CCT4: variants seen among roughly 807,000 people sequenced by gnomAD.
The protein encoded by CCT4 is T-complex protein 1 subunit delta.
In CCT4, 17 loss-of-function variants were observed where a neutral mutation model predicts 62.5. That is an observed-to-expected ratio of 0.27 (90% CI 0.19 to 0.41). CCT4 has a LOEUF of 0.41. CCT4 is among the 10% of genes least tolerant of loss of function. The probability of loss-of-function intolerance (pLI) is 1.00; values close to 1 mark genes in which losing one functional copy is unlikely to be tolerated. For missense variants in CCT4, 592 were observed against 659.2 expected (o/e 0.90, Z 1.12); for synonymous variants, 250 against 229.9 (o/e 1.09, Z -0.79).
chr2:61,886,874 C>G (rs1314704831), intron 1 of CCT4, among the ~76,000 whole-genome samples: 10 of 152,136 alleles, frequency 6.6e-5, no homozygotes, highest in Non-Finnish European at 1.2e-4. Context: ...ATTCCCCTGC[C>G]TCAGCCTCCC....
chr2:61,873,114 T>C lies in CCT4; in HGVS notation c.1015-2A>G. ...AGCAACTGGCTTGGTTCCAATTGTC[T>C]GGAAAAAACAGTCAAATCCACAAAT... On this transcript the variant is annotated splice_acceptor_variant, in intron 9 of 13. Transcript: ENST00000394440. LOFTEE classifies it high-confidence loss of function. 1 of 1,585,198 alleles carries C rather than the reference T, an allele frequency of 6.3e-7. No homozygotes were observed. Among genetic ancestry groups the C allele is most frequent in the Non-Finnish European group, 8.7e-7 (1 of 1,153,684 alleles).
chr2:61,869,637 A>T, intron 12 of CCT4, 84 bp from the exon 13 acceptor site: 1 of 744,470 alleles, frequency 1.3e-6, no homozygotes, highest in Admixed American at 2.0e-5. Flanking sequence ...GTACCTCAAG[A>T]CCTAAATCTA....
Position 61,878,857 on chromosome 2 carries a change from T to G in CCT4, c.522+12A>C, listed in dbSNP as rs1368514098. Reference sequence around the variant, plus strand: ...AACTAATTTGACAAGTATCCGTTAGTGTTTGTCTCACCTTTGAGTTCAGTG... The same window carrying G: ...AACTAATTTGACAAGTATCCGTTAGGGTTTGTCTCACCTTTGAGTTCAGTG... On this transcript the variant is annotated intron_variant, in intron 5 of 13. Coordinates refer to ENST00000394440, the MANE Select transcript of CCT4 (RefSeq NM_006430.4). 1 of 1,594,498 alleles carries G rather than the reference T, an allele frequency of 6.3e-7. No homozygotes were observed. The highest frequency in any genetic ancestry group is 8.6e-7 in the Non-Finnish European group (1 of 1,166,740).
rs746529211 is a variant in CCT4 at position 61,872,537 on chromosome 2, A to C, written c.1177T>G (p.Ser393Ala). The C allele has an allele frequency of 6.2e-7, 1 of 1,613,970 alleles. No individual in the cohort carries two copies. The change falls in exon 11 of 14, where the codon TCT becomes GCT. Residue 393 changes from serine to alanine, a missense_variant. Transcript: ENST00000394440. ...GKTVTIVVRG[S>A]NKLVIEEAER... ...GCTTCTTCAATCACCAGTTTGTTAG[A>C]ACCACGAACAACAATTGTAACTGTT...
chr2:61,872,497 T>C lies in CCT4; in HGVS notation c.1217A>G (p.His406Arg), dbSNP rs2105126532. ...LVIEEAERSI[H>R]DALCVIRCLV... The stretch of plus-strand genomic sequence containing the variant: ...ACAACGAATAACACATAGGGCATCA[T>C]GAATGGAGCGCTCAGCTTCTTCAAT... The change falls in exon 11 of 14, where the codon CAT becomes CGT. Residue 406 changes from histidine to arginine, a missense_variant. By Grantham distance (29) the His-to-Arg change is conservative. Around this residue, in one of 3 missense-constraint regions of CCT4, gnomAD observed 522 missense variants for 571.2 expected, o/e 0.91. Coordinates refer to ENST00000394440, the MANE Select transcript of CCT4 (RefSeq NM_006430.4). 1 of 1,614,080 alleles carries C rather than the reference T, an allele frequency of 6.2e-7. No homozygotes were observed. Among genetic ancestry groups the C allele is most frequent in the Non-Finnish European group, 8.5e-7 (1 of 1,179,900 alleles).
intron 12 of CCT4, among the ~76,000 whole-genome samples, chr2:61,870,045 A>C (rs965022605): frequency 6.6e-6 from 1 of 151,056 alleles, no homozygotes; most frequent in Non-Finnish European, 1.5e-5. Flanking sequence ...TGGGAGGCCA[A>C]GGCAGGCAGA....
In CCT4 at chr2:61,883,473, G is replaced by T; in HGVS notation, c.256C>A (p.Pro86Thr). The change falls in exon 3 of 14, where the codon CCA (proline) becomes ACA (threonine). Residue 86 changes from proline (P) to threonine (T), a missense_variant. This residue lies in a region of CCT4 where 522 missense variants were observed against 571.2 expected (regional missense o/e 0.91). Coordinates refer to ENST00000394440, the MANE Select transcript of CCT4 (RefSeq NM_006430.4). ...TILKQMQVLHPAARMLVELSK... is the reference protein window; with the variant it reads ...TILKQMQVLHTAARMLVELSK... ...ATTACACTTACCATTCTGGCTGCTG[G>T]ATGTAATACTTGCATTTGTTTCAGA... 6.5e-7 allele frequency: 1 copy of T among 1,548,794 alleles called. No individual in the cohort carries two copies. The highest frequency in any genetic ancestry group is 8.8e-7 in the Non-Finnish European group (1 of 1,130,452).
Position 61,872,468 on chromosome 2 carries a change from C to T in CCT4, c.1246G>A (p.Val416Met). ...HDALCVIRCL[V>M]KKRALIAGGG... is the part of the protein sequence containing the mutation. Reference sequence around the variant, plus strand: ...TAACACTGACATTACCTCTTCTTCACTAAACAACGAATAACACATAGGGCA... The same window carrying T: ...TAACACTGACATTACCTCTTCTTCATTAAACAACGAATAACACATAGGGCA... Residue 416 changes from valine to methionine, a missense_variant, in exon 11 of 14, where the codon GTG becomes ATG. Physicochemically the swap from Val to Met is conservative, Grantham distance 21. Around this residue, in one of 3 missense-constraint regions of CCT4, gnomAD observed 522 missense variants for 571.2 expected, o/e 0.91. Coordinates refer to ENST00000394440, the MANE Select transcript of CCT4 (RefSeq NM_006430.4). 1 of 1,612,544 alleles carries T rather than the reference C, an allele frequency of 6.2e-7. No homozygotes were observed. The highest frequency in any genetic ancestry group is 8.5e-7 in the Non-Finnish European group (1 of 1,179,172).
chr2:61,873,302 C>G lies in CCT4; in HGVS notation c.918-9G>C. ...GATCACTAAGAGCATCTCTAAAATA[C>G]AAAATCAGTGATTATGTCAATGCTA... is the stretch of plus-strand genomic sequence containing the variant. On this transcript the variant is annotated splice_polypyrimidine_tract_variant and intron_variant, in intron 8 of 13. Coordinates refer to ENST00000394440, the MANE Select transcript of CCT4 (RefSeq NM_006430.4). 6.9e-7 allele frequency: 1 copy of G among 1,455,838 alleles called. No individual in the cohort carries two copies. Among genetic ancestry groups the G allele is most frequent in the Non-Finnish European group, 9.6e-7 (1 of 1,041,106 alleles). The allele number at this position is 1,455,838 out of a possible 1,614,324, so 90.2% of individuals were successfully genotyped here.
intron 8 of CCT4, among the ~76,000 whole-genome samples, chr2:61,874,497 C>T (rs1395398800): frequency 5.3e-5 from 8 of 151,768 alleles, no homozygotes; most frequent in Non-Finnish European, 1.2e-4. Flanking sequence ...GTAATCCCAA[C>T]TATTTCAGGA....
Position 61,880,287 on chromosome 2 carries a change from T to C in CCT4, c.378A>G (p.Lys126=), listed in dbSNP as rs751622388. 2 of 1,537,664 alleles carry C rather than the reference T, an allele frequency of 1.3e-6. No individual in the cohort carries two copies. Among genetic ancestry groups the C allele is most frequent in the African/African-American group, 1.4e-5 (1 of 71,910 alleles). The change falls in exon 4 of 14, where the codon AAA becomes AAG. Residue 126 remains lysine (K), a splice_region_variant and synonymous_variant. Transcript: ENST00000394440. ...LLDSCTKLLQ[K]GIHPTIISES... is the part of the protein sequence containing the mutation. ...AGTAATAAAGTACATCCTACCCACCTTTCTGAAGAAGCTTGGTACAAGAAT... is the reference window on the plus strand; with the variant it reads ...AGTAATAAAGTACATCCTACCCACCCTTCTGAAGAAGCTTGGTACAAGAAT...
intron 12 of CCT4, among the ~76,000 whole-genome samples, chr2:61,871,190 CCTGG>C (rs1668876900): frequency 6.6e-6 from 1 of 151,998 alleles, no homozygotes; most frequent in African/African-American, 2.4e-5. Context: ...CGCCACTTCG[CCTGG>C]CTAATTTTTT....
chr2:61,878,349 G>C (rs1053681716), intron 5 of CCT4, among the ~76,000 whole-genome samples: 1 of 152,198 alleles, frequency 6.6e-6, no homozygotes, highest in African/African-American at 2.4e-5. Flanking sequence ...GATGGACCAC[G>C]ATGGGCAGCC....
At chr2:61,871,755 G>A (rs532290094) in intron 12 of CCT4, among the ~76,000 whole-genome samples, 1 of 152,328 alleles carries the variant, frequency 6.6e-6, no homozygotes, top group African/African-American at 2.4e-5. Flanking sequence ...TTGTTAACTA[G>A]AAATGCATTT....
At chr2:61,874,584 G>A (rs186015807) in intron 8 of CCT4, among the ~76,000 whole-genome samples, 3 of 151,600 alleles carry the variant, frequency 2.0e-5, no homozygotes, top group Middle Eastern at 3.4e-3. Flanking sequence ...GTACTCTAGC[G>A]TGGGTGACAG....
At chr2:61,886,522 G>T (rs2105143618) in intron 1 of CCT4, among the ~76,000 whole-genome samples, 1 of 152,296 alleles carries the variant, frequency 6.6e-6, no homozygotes, top group Non-Finnish European at 1.5e-5. Context: ...CGGGTGCGGT[G>T]GCTCACGCCT....
Position 61,872,075 on chromosome 2 carries a change from T to C in CCT4, c.1491+7A>G, listed in dbSNP as rs781412547. 6.4e-7 allele frequency: 1 copy of C among 1,564,522 alleles called. No homozygotes were observed. The highest frequency in any genetic ancestry group is 8.8e-7 in the Non-Finnish European group (1 of 1,136,594). On this transcript the variant is annotated splice_region_variant and intron_variant, in intron 12 of 13. Coordinates refer to ENST00000394440, the MANE Select transcript of CCT4 (RefSeq NM_006430.4). ...AATATTTTCTACATTAGAGATTAAA[T>C]GATTACCTTTCGGACATTAATGCCT...
At chr2:61,880,222 G>T in intron 4 of CCT4, 64 bp downstream of exon 4, 1 of 693,810 alleles carries the variant, frequency 1.4e-6, no homozygotes. Context: ...TGAATAACTT[G>T]GCTTTTCCTA....
intron 12 of CCT4, among the ~76,000 whole-genome samples, chr2:61,871,743 G>A (rs1668888979): frequency 6.6e-6 from 1 of 152,180 alleles, no homozygotes; most frequent in Non-Finnish European, 1.5e-5. Context: ...CTATCTAAGA[G>A]CTTGTTAACT....
Sources: allele counts gnomAD v4.1 joint callset (sites outside exome capture counted in the v4.1 genomes callset), GRCh38; gene constraint gnomAD v4.1.1; regional missense constraint gnomAD v4.1.1; transcripts MANE v1.5; gene names NCBI Gene and HGNC (gene_info 2026-07-23, HGNC 2026-07-21).